The following SUPT3H variants were observed in gnomAD, a reference collection of about 807,000 sequenced individuals.
SUPT3H encodes the protein transcription initiation protein SPT3 homolog.
In SUPT3H, 44 loss-of-function variants were observed where a neutral mutation model predicts 44.3. The ratio of observed to expected loss-of-function variants is 0.99; its 90% confidence interval spans 0.78 to 1.28. SUPT3H has a LOEUF of 1.28. Ranked by LOEUF, SUPT3H falls within the 50% of genes most tolerant of loss-of-function variation. SUPT3H has a pLI of 0.00. For missense variants in SUPT3H, 380 were observed against 387.1 expected, an observed-to-expected ratio of 0.98 and a Z score of 0.15; for synonymous variants, 124 against 125.6, an observed-to-expected ratio of 0.99 and a Z score of 0.09.
intron 10 of SUPT3H, among the ~76,000 whole-genome samples, chr6:44,884,667 A>G (rs1250601385): frequency 6.6e-6 from 1 of 152,176 alleles, no homozygotes; most frequent in Non-Finnish European, 1.5e-5. Context: ...GCTCCGGTCT[A>G]CAGCTCCCAG....
At chr6:45,350,626 AAAT>A (rs1791818136) in intron 2 of SUPT3H, among the ~76,000 whole-genome samples, 1 of 152,206 alleles carries the variant, frequency 6.6e-6, no homozygotes, top group African/African-American at 2.4e-5. Context: ...ACTTCAAAGC[AAAT>A]AATAATTTCT....
rs192739946 is a variant in SUPT3H, at chr6:45,078,755, T to C, written c.186+27167A>G. On this transcript the variant is annotated intron_variant, in intron 3 of 10. Coordinates refer to ENST00000371459, the MANE Select transcript of SUPT3H (RefSeq NM_003599.4). ...CTTCCTTTCCTTTCCTTTCAGCACT[T>C]TGAATACAACACCTCATTCTCTTCT... Among the ~76,000 whole-genome samples the C allele has an allele frequency of 7.2e-4, 110 of 152,344 alleles. 1 individual carries two copies. Among genetic ancestry groups the C allele is most frequent in the Middle Eastern group, 3.4e-3 (1 of 294 alleles).
chr6:44,885,747 C>T (rs540408573), intron 10 of SUPT3H, among the ~76,000 whole-genome samples: 154 of 152,250 alleles, frequency 1.0e-3, no homozygotes, highest in Admixed American at 3.7e-3. Flanking sequence ...TCACCAGCAA[C>T]GGAACAAAGC....
chr6:45,295,923 T>G (rs1781111974), intron 2 of SUPT3H, among the ~76,000 whole-genome samples: 1 of 152,042 alleles, frequency 6.6e-6, no homozygotes, highest in Non-Finnish European at 1.5e-5. Flanking sequence ...GTACGGAGAT[T>G]CTTTAAAGAA....
At chr6:45,368,368 G>A (rs978401993) in intron 1 of SUPT3H, among the ~76,000 whole-genome samples, 7 of 152,014 alleles carry the variant, frequency 4.6e-5, no homozygotes, top group African/African-American at 1.2e-4. Context: ...AGAAAAATTG[G>A]CATTTACCTT....
At chr6:44,952,923 G>A (rs1774529142) in intron 9 of SUPT3H, among the ~76,000 whole-genome samples, 1 of 152,138 alleles carries the variant, frequency 6.6e-6, no homozygotes, top group African/African-American at 2.4e-5. Flanking sequence ...ATCAATAAAT[G>A]CCAGGGATTA....
chr6:44,879,433 C>T (rs903455439), intron 10 of SUPT3H, among the ~76,000 whole-genome samples: 7 of 152,216 alleles, frequency 4.6e-5, no homozygotes, highest in Non-Finnish European at 1.0e-4. Flanking sequence ...CAGTCAGGGG[C>T]TTACAGATAA....
intron 3 of SUPT3H, among the ~76,000 whole-genome samples, chr6:45,097,309 A>G (rs1215576723): frequency 6.6e-6 from 1 of 152,194 alleles, no homozygotes; most frequent in East Asian, 1.9e-4. Flanking sequence ...TTGCTACAGG[A>G]CACAAGTGTC....
chr6:45,210,324 T>C (rs1337986095), intron 2 of SUPT3H, among the ~76,000 whole-genome samples: 1 of 152,196 alleles, frequency 6.6e-6, no homozygotes, highest in African/African-American at 2.4e-5. Flanking sequence ...GTCATACTTC[T>C]GTTCACCTAG....
intron 10 of SUPT3H, among the ~76,000 whole-genome samples, chr6:44,877,257 A>C (rs1777463182): frequency 6.6e-6 from 1 of 152,174 alleles, no homozygotes; most frequent in Non-Finnish European, 1.5e-5. Flanking sequence ...ACCTGAGGTC[A>C]GGAGTTCAAG....
chr6:44,908,144 TTTTTC>T (rs1325218312), intron 10 of SUPT3H, among the ~76,000 whole-genome samples: 320 of 150,868 alleles, frequency 2.1e-3, no homozygotes, highest in African/African-American at 7.3e-3. Context: ...AAATAACTTT[TTTTTC>T]TTTTCTTTTT....
chr6:45,289,662 C>T (rs1016320758), intron 2 of SUPT3H, among the ~76,000 whole-genome samples: 1 of 152,070 alleles, frequency 6.6e-6, no homozygotes, highest in Non-Finnish European at 1.5e-5. Flanking sequence ...TATGCATAAA[C>T]CATTATTGCT....
chr6:45,294,608 T>C (rs1452136463), intron 2 of SUPT3H, among the ~76,000 whole-genome samples: 1 of 151,946 alleles, frequency 6.6e-6, no homozygotes, highest in East Asian at 1.9e-4. Flanking sequence ...CTCCTGGAAC[T>C]GATAAAAGAA....
At chr6:45,124,265 T>TA (rs71536350) in intron 2 of SUPT3H, among the ~76,000 whole-genome samples, 10,060 of 151,262 alleles carry the variant, frequency 0.067, 419 homozygotes, top group South Asian at 0.14. Flanking sequence ...GTTCCACTGT[T>TA]AAAAAAAAAC....
intron 5 of SUPT3H, among the ~76,000 whole-genome samples, chr6:45,004,992 G>A (rs1159132): frequency 0.98 from 149,164 of 152,268 alleles, 73,076 homozygotes; most frequent in Middle Eastern, 1. Context: ...ATGCAGTAAT[G>A]AACATCCCAT....
At chr6:45,053,830 G>T (rs976815465) in intron 3 of SUPT3H, among the ~76,000 whole-genome samples, 2 of 149,662 alleles carry the variant, frequency 1.3e-5, no homozygotes, top group Non-Finnish European at 3.0e-5. Context: ...CAGTAGAATG[G>T]CATGAACCCA....
intron 2 of SUPT3H, among the ~76,000 whole-genome samples, chr6:45,288,599 G>GTA (rs1423721314): frequency 1.2e-4 from 4 of 32,444 alleles, no homozygotes; most frequent in African/African-American, 3.3e-4. Flanking sequence ...ATATATATGT[G>GTA]TATATATATA....
At chr6:44,939,447 T>C (rs960746944) in intron 9 of SUPT3H, among the ~76,000 whole-genome samples, 2 of 152,158 alleles carry the variant, frequency 1.3e-5, no homozygotes, top group Non-Finnish European at 2.9e-5. Flanking sequence ...TATGATATGC[T>C]AGTAGATTTG....
intron 3 of SUPT3H, among the ~76,000 whole-genome samples, chr6:45,063,517 T>C (rs557938502): frequency 0.12 from 15,074 of 124,796 alleles, 890 homozygotes; most frequent in East Asian, 0.22. Flanking sequence ...CTCTGAGCTA[T>C]GGGAGGACAT....
Sources: allele counts gnomAD v4.1 joint callset (sites outside exome capture counted in the v4.1 genomes callset), GRCh38; gene constraint gnomAD v4.1.1; transcripts MANE v1.5; gene names NCBI Gene and HGNC (gene_info 2026-07-23, HGNC 2026-07-21).